Variants in PARG observed in about 807,000 individuals in gnomAD.
PARG encodes mitochondrial poly(ADP-ribose) glycohydrolase.
PARG carries 35 observed loss-of-function variants against 113.0 expected under a neutral mutation model. That is an observed-to-expected ratio of 0.31 (90% confidence interval 0.24 to 0.41). PARG has a LOEUF of 0.41. Ranked by LOEUF, PARG falls within the 10% of genes least tolerant of loss-of-function variation. The pLI is 1.00. For synonymous variants in PARG, 330 were observed against 409.9 expected (o/e 0.81, Z 2.36); for missense variants, 797 against 1,169.4 (o/e 0.68, Z 4.64).
intron 13 of PARG, among the ~76,000 whole-genome samples, chr10:49,845,889 T>C (rs1845481475): frequency 6.6e-6 from 1 of 151,918 alleles, no homozygotes; most frequent in Admixed American, 6.6e-5. Flanking sequence ...AGAGTGAGAC[T>C]TTGTCTCAAA....
chr10:49,885,370 G>A, intron 7 of PARG, 75 bp from the exon 8 acceptor site: 1 of 946,722 alleles, frequency 1.1e-6, no homozygotes, highest in South Asian at 1.4e-5. Context: ...TGTTTGTTAT[G>A]AAATTAAATT....
At chr10:49,853,746 A>G (rs1845863269) in intron 13 of PARG, among the ~76,000 whole-genome samples, 1 of 152,192 alleles carries the variant, frequency 6.6e-6, no homozygotes, top group East Asian at 1.9e-4. Flanking sequence ...GGAAGTTCCA[A>G]TCTTAATTTC....
chr10:49,927,373 A>AGAAG (rs1356839505), intron 4 of PARG, among the ~76,000 whole-genome samples: 455 of 22,056 alleles, frequency 0.021, 2 homozygotes, highest in Admixed American at 0.052. Flanking sequence ...AAAGAAGGAA[A>AGAAG]GAAAGAAAGA....
chr10:49,879,070 A>G (rs1397887165), intron 9 of PARG, among the ~76,000 whole-genome samples: 1 of 152,228 alleles, frequency 6.6e-6, no homozygotes, highest in South Asian at 2.1e-4. Context: ...AACTTTATCA[A>G]TACCTTCACA....
chr10:49,819,443 C>A lies in PARG; in HGVS notation c.2828G>T (p.Cys943Phe). 6.4e-7 allele frequency: 1 copy of A among 1,551,314 alleles called. No individual in the cohort carries two copies. The highest frequency in any genetic ancestry group is 8.7e-7 in the Non-Finnish European group (1 of 1,146,676). Residue 943 changes from cysteine to phenylalanine, a missense_variant, in exon 18 of 18, where the codon TGT becomes TTT. Cys to Phe is a radical substitution (Grantham distance 205). This residue lies in a region of PARG where 194 missense variants were observed against 247.1 expected (regional missense o/e 0.79). Coordinates refer to ENST00000616448, the MANE Select transcript of PARG (RefSeq NM_003631.5). The part of the protein sequence containing the change: ...LRYYNEECRN[C>F]STPGPDIKLY... The stretch of plus-strand genomic sequence containing the variant: ...CTTGATGTCTGGTCCAGGGGTGGAA[C>A]AGTTTCTGCATTCTTCATTGTAGTA...
intron 13 of PARG, among the ~76,000 whole-genome samples, chr10:49,846,557 G>A (rs1554833371): frequency 6.6e-6 from 1 of 152,110 alleles, no homozygotes; most frequent in Non-Finnish European, 1.5e-5. Flanking sequence ...CAGTGGCATG[G>A]TTTAGAAGTT....
At chr10:49,919,383 G>A (rs1171280905) in intron 6 of PARG, among the ~76,000 whole-genome samples, 11 of 152,224 alleles carry the variant, frequency 7.2e-5, no homozygotes, top group Admixed American at 6.5e-4. Context: ...CTGCTTCTAT[G>A]TGAGTTTATA....
intron 12 of PARG, among the ~76,000 whole-genome samples, 159 bp downstream of exon 12, chr10:49,861,427 CAA>C (rs1313999513): frequency 2.1e-5 from 3 of 144,162 alleles, no homozygotes; most frequent in Non-Finnish European, 3.0e-5. Context: ...CCAAGGCTGT[CAA>C]AGTGATCTGT....
chr10:49,820,893 A>C (rs1554828490), intron 16 of PARG, among the ~76,000 whole-genome samples: 1 of 152,146 alleles, frequency 6.6e-6, no homozygotes, highest in African/African-American at 2.4e-5. Flanking sequence ...GGTAGTATTT[A>C]TATTCGCTTC....
chr10:49,908,528 C>G (rs1336506982), intron 7 of PARG: 7 of 152,056 alleles, frequency 4.6e-5, no homozygotes, highest in African/African-American at 1.7e-4. Flanking sequence ...AACTCCAAAT[C>G]AGAGGTTCGA....
chr10:49,926,133 A>T (rs1440988611), intron 4 of PARG, among the ~76,000 whole-genome samples: 1 of 152,248 alleles, frequency 6.6e-6, no homozygotes, highest in Non-Finnish European at 1.5e-5. Flanking sequence ...CTTTCCAAAT[A>T]AGGAAAGGAA....
intron 7 of PARG, among the ~76,000 whole-genome samples, chr10:49,905,297 A>G (rs558618566): frequency 8.1e-4 from 124 of 152,412 alleles, no homozygotes; most frequent in African/African-American, 2.9e-3. Context: ...TCCTAGAGTA[A>G]TAAGGAAATA....
intron 7 of PARG, among the ~76,000 whole-genome samples, chr10:49,891,089 C>T (rs1192940151): frequency 6.6e-6 from 1 of 152,180 alleles, no homozygotes; most frequent in African/African-American, 2.4e-5. Context: ...CCAAGGCAGG[C>T]AAATCACCAG....
rs1554910297 is a variant in PARG at position 49,933,311 on chromosome 10, C to G, written c.1137G>C (p.Met379Ile). Residue 379 changes from methionine (M) to isoleucine (I), a missense_variant, in exon 3 of 18, where the codon ATG becomes ATC. Coordinates refer to ENST00000616448, the MANE Select transcript of PARG (RefSeq NM_003631.5). ...QFEGGESRTG[M>I]NDLNAKLPGN... ...CAGGTAGTTTAGCATTTAAATCATT[C>G]ATTCCAGTGCGACTCTCTCCTCCTT... 2.9e-5 allele frequency: 47 copies of G among 1,610,622 alleles called. No homozygotes were observed. Among genetic ancestry groups the G allele is most frequent in the Non-Finnish European group, 3.9e-5 (46 of 1,177,408 alleles).
rs781928566 is a variant in PARG at position 49,920,451 on chromosome 10, T to TAAAAAAAAAAAAAA, written c.1662+1884_1662+1885insTTTTTTTTTTTTTT. ...GATGGAGCAAGACCCAGCCTCAAATTAAAAAAAAAAAAATATATATATATA... is the reference window on the plus strand; with the variant it reads ...GATGGAGCAAGACCCAGCCTCAAATTAAAAAAAAAAAAAAAAAAAAAAAAAAATATATATATATA... On this transcript the variant is annotated intron_variant, in intron 6 of 17. Coordinates refer to ENST00000616448, the MANE Select transcript of PARG (RefSeq NM_003631.5). Among the ~76,000 whole-genome samples, 135 of 39,698 alleles carry TAAAAAAAAAAAAAA rather than the reference T, an allele frequency of 3.4e-3. 1 individual carries two copies. Among genetic ancestry groups the TAAAAAAAAAAAAAA allele is most frequent in the Non-Finnish European group, 4.9e-3 (112 of 22,656 alleles). The allele number at this position is 39,698 out of a possible 152,430, so 26.0% of individuals were successfully genotyped here.
chr10:49,902,898 T>C (rs1211003441), intron 7 of PARG, among the ~76,000 whole-genome samples: 1 of 151,778 alleles, frequency 6.6e-6, no homozygotes, highest in African/African-American at 2.4e-5. Flanking sequence ...AATGGCGCGA[T>C]CTCGGCTCAC....
intron 7 of PARG, among the ~76,000 whole-genome samples, chr10:49,913,307 C>A (rs535733931): frequency 2.0e-5 from 3 of 152,298 alleles, no homozygotes; most frequent in South Asian, 4.1e-4. Context: ...GGAGAACCCC[C>A]TTCAAATCTC....
intron 14 of PARG, 124 bp downstream of exon 14, chr10:49,843,430 C>T: frequency 1.5e-6 from 1 of 689,090 alleles, no homozygotes; most frequent in Non-Finnish European, 2.6e-6. Context: ...ATGCTGATTT[C>T]TTTTCTTTTT....
chr10:49,856,187 T>A (rs1311581469), intron 13 of PARG, among the ~76,000 whole-genome samples: 1 of 147,364 alleles, frequency 6.8e-6, no homozygotes, highest in East Asian at 2.0e-4. Context: ...TAATCAGACT[T>A]TTTTTTTTTT....
Sources: allele counts gnomAD v4.1 joint callset (sites outside exome capture counted in the v4.1 genomes callset), GRCh38; gene constraint gnomAD v4.1.1; regional missense constraint gnomAD v4.1.1; transcripts MANE v1.5; gene names NCBI Gene and HGNC (gene_info 2026-07-23, HGNC 2026-07-21).